USP38: variants seen among roughly 807,000 people sequenced by gnomAD.
The protein encoded by USP38 is ubiquitin carboxyl-terminal hydrolase 38.
USP38 carries 49 observed loss-of-function variants against 94.3 expected under a neutral mutation model. The ratio of observed to expected loss-of-function variants is 0.52; its 90% CI spans 0.41 to 0.66. The LOEUF (loss-of-function observed/expected upper bound fraction) is 0.66, where lower values mean the gene tolerates loss of function less well. USP38 is among the 30% of genes least tolerant of loss of function. USP38 has a pLI of 0.00. For synonymous variants in USP38, 468 were observed against 463.6 expected (o/e 1.01, Z -0.12); for missense variants, 1,128 against 1,229.4 (o/e 0.92, Z 1.23).
chr4:143,203,711 G>A, intron 5 of USP38, 145 bp downstream of exon 5: 1 of 755,796 alleles, frequency 1.3e-6, no homozygotes, highest in African/African-American at 1.8e-5. Flanking sequence ...TTCATTTAGG[G>A]AGTAACAGCT....
rs775620774 is a variant in USP38, at chr4:143,187,806, CTTTTT to C, written c.683-19_683-15del. The C allele has an allele frequency of 6.3e-7, 1 of 1,579,062 alleles. No individual in the cohort carries two copies. The highest frequency in any genetic ancestry group is 1.2e-5 in the South Asian group (1 of 85,228). On this transcript the variant is annotated splice_polypyrimidine_tract_variant and intron_variant, in intron 1 of 9. Transcript: ENST00000307017. ...GAACCTACTTGCCATGTTCCCTTTTCTTTTTAATTGAAAAAACAGATGCATCATTT... is the reference window on the plus strand; with the variant it reads ...GAACCTACTTGCCATGTTCCCTTTTCAATTGAAAAAACAGATGCATCATTT...
At chr4:143,191,061 C>A (rs1731383678) in intron 2 of USP38, among the ~76,000 whole-genome samples, 1 of 151,624 alleles carries the variant, frequency 6.6e-6, no homozygotes, top group Admixed American at 6.6e-5. Context: ...ATCCTATGTA[C>A]CCATAATCTA....
chr4:143,195,298 T>C (rs1047926131), intron 2 of USP38, among the ~76,000 whole-genome samples: 17 of 152,206 alleles, frequency 1.1e-4, no homozygotes, highest in Non-Finnish European at 2.4e-4. Context: ...AAGGAAATGC[T>C]CATTGGGACA....
intron 2 of USP38, 62 bp from the exon 3 acceptor site, chr4:143,195,651 CTTG>C (rs1364143956): frequency 6.7e-7 from 1 of 1,490,950 alleles, no homozygotes. Context: ...TACTGTAACT[CTTG>C]TTATCACTAA....
At chr4:143,188,678 A>G (rs1249087689) in intron 2 of USP38, among the ~76,000 whole-genome samples, 1 of 152,036 alleles carries the variant, frequency 6.6e-6, no homozygotes, top group Admixed American at 6.6e-5. Flanking sequence ...TCAGTCATTC[A>G]TTCATTTATT....
intron 6 of USP38, among the ~76,000 whole-genome samples, chr4:143,206,447 T>G (rs1731870665): frequency 6.6e-6 from 1 of 152,190 alleles, no homozygotes; most frequent in Non-Finnish European, 1.5e-5. Context: ...CCCAGCACTT[T>G]GGGAGGCCAA....
In USP38 at chr4:143,214,859, C is replaced by T. The variant is rs766027457; in HGVS notation, c.2883C>T (p.Thr961=). The part of the protein sequence containing the change: ...STNGLSGNNP[T]SGLWINGDPP... ...ATGGTTTAAGTGGTAATAACCCAAC[C>T]AGTGGACTCTGGATAAATGGAGACC... Residue 961 remains threonine, a synonymous_variant, in exon 9 of 10, where the codon ACC becomes ACT. Coordinates refer to ENST00000307017, the MANE Select transcript of USP38 (RefSeq NM_032557.6). 1.2e-6 allele frequency: 2 copies of T among 1,613,528 alleles called. No individual in the cohort carries two copies. Among genetic ancestry groups the T allele is most frequent in the Non-Finnish European group, 1.7e-6 (2 of 1,179,682 alleles).
chr4:143,187,060 A>G (rs1731247676), intron 1 of USP38, among the ~76,000 whole-genome samples: 1 of 152,078 alleles, frequency 6.6e-6, no homozygotes, highest in African/African-American at 2.4e-5. Context: ...ATTACAAACG[A>G]TGTATTTGCA....
chr4:143,206,260 G>T, intron 6 of USP38, 34 bp downstream of exon 6: 1 of 1,493,966 alleles, frequency 6.7e-7, no homozygotes. Context: ...CATTTTAACT[G>T]TAGAAGTTGA....
At position 143,184,933 on chromosome 4, in the gene USP38, C is replaced by T. The variant is rs1300330914; in HGVS notation, c.-518C>T. On this transcript the variant is annotated 5_prime_UTR_variant, in exon 1 of 10. Coordinates refer to ENST00000307017, the MANE Select transcript of USP38 (RefSeq NM_032557.6). ...TTTGCCGGCACTTCAAAATCCGGGTCAAAGGGTGTCGCTTCGGTCTCTTCT... is the reference window on the plus strand; with the variant it reads ...TTTGCCGGCACTTCAAAATCCGGGTTAAAGGGTGTCGCTTCGGTCTCTTCT... 1 of 149,748 alleles carries T rather than the reference C, an allele frequency of 6.7e-6. No homozygotes were observed. The highest frequency in any genetic ancestry group is 1.5e-5 in the Non-Finnish European group (1 of 68,302). 9.3% of individuals were successfully genotyped at this position (149,748 alleles called of 1,614,324 possible). A position where few individuals can be genotyped will look rare whatever the true frequency, so the allele number is the denominator to read the frequency against.
chr4:143,195,154 T>C (rs1180772649), intron 2 of USP38, among the ~76,000 whole-genome samples: 1 of 152,260 alleles, frequency 6.6e-6, no homozygotes, highest in East Asian at 1.9e-4. Flanking sequence ...CATATTCATA[T>C]GTCTTAGTTC....
chr4:143,203,350 A>T (rs1436966889), intron 4 of USP38, 58 bp from the exon 5 acceptor site: 6 of 1,521,896 alleles, frequency 3.9e-6, no homozygotes, highest in East Asian at 2.3e-5. Context: ...TTTGTAGGCT[A>T]GAGAATGTGT....
chr4:143,185,342 C>T lies in USP38; in HGVS notation c.-109C>T. 1 of 1,262,602 alleles carries T rather than the reference C, an allele frequency of 7.9e-7. No homozygotes were observed. Among genetic ancestry groups the T allele is most frequent in the Non-Finnish European group, 1.1e-6 (1 of 934,724 alleles). The allele number at this position is 1,262,602 out of a possible 1,614,324, so 78.2% of individuals were successfully genotyped here. A position where few individuals can be genotyped will look rare whatever the true frequency, so the allele number is the denominator to read the frequency against. On this transcript the variant is annotated 5_prime_UTR_variant, in exon 1 of 10. Coordinates refer to ENST00000307017, the MANE Select transcript of USP38 (RefSeq NM_032557.6). ...GCGGTGGCCGTGGCCCGTCGCGCTGCTGCTGCGGCGCTCCAAGTTCATCTC... is the reference window on the plus strand; with the variant it reads ...GCGGTGGCCGTGGCCCGTCGCGCTGTTGCTGCGGCGCTCCAAGTTCATCTC...
At position 143,220,505 on chromosome 4, in the gene USP38, A is replaced by G; in HGVS notation, c.*49A>G. 6.8e-7 allele frequency: 1 copy of G among 1,477,766 alleles called. No individual in the cohort carries two copies. 91.5% of individuals were successfully genotyped at this position (1,477,766 alleles called of 1,614,324 possible). A position where few individuals can be genotyped will look rare whatever the true frequency, so the allele number is the denominator to read the frequency against. On this transcript the variant is annotated 3_prime_UTR_variant, in exon 10 of 10. Transcript: ENST00000307017. The stretch of plus-strand genomic sequence containing the variant: ...TGGTCACGAAACGTCTAATACTATG[A>G]CTGTTAAAATGTCAGACTATAACAA...
At position 143,195,843 on chromosome 4, in the gene USP38, C is replaced by A. The variant is rs757145388; in HGVS notation, c.946C>A (p.Leu316Met). 5 of 1,609,844 alleles carry A rather than the reference C, an allele frequency of 3.1e-6. No homozygotes were observed. The change falls in exon 3 of 10, where the codon CTG (leucine) becomes ATG (methionine). Residue 316 changes from leucine (L) to methionine (M), a missense_variant and splice_region_variant. Physicochemically the swap from Leu to Met is conservative, Grantham distance 15. Coordinates refer to ENST00000307017, the MANE Select transcript of USP38 (RefSeq NM_032557.6). ...LIDVTLLKIELVFNRLWFPLV... is the reference protein window; with the variant it reads ...LIDVTLLKIEMVFNRLWFPLV... ...AGATGTTACTTTGCTGAAAATAGAA[C>A]TGGTAAGTGGGAGTATGGAAATCTA...
At chr4:143,215,127 T>C (rs1438603944) in intron 9 of USP38, 184 bp downstream of exon 9, 29 of 629,912 alleles carry the variant, frequency 4.6e-5, no homozygotes, top group Non-Finnish European at 1.3e-5. Context: ...ACAATTTAAA[T>C]GAAAAGTGGC....
Position 143,185,216 on chromosome 4 carries a change from T to TAA in USP38, c.-234_-233insAA. 2.0e-6 allele frequency: 1 copy of TAA among 491,932 alleles called. No individual in the cohort carries two copies. The allele number at this position is 491,932 out of a possible 1,614,324, so 30.5% of individuals were successfully genotyped here. On this transcript the variant is annotated 5_prime_UTR_variant, in exon 1 of 10. An upstream open reading frame in the 5' UTR loses its in-frame stop. Coordinates refer to ENST00000307017, the MANE Select transcript of USP38 (RefSeq NM_032557.6). ...GGCGGAGTACGGGCCTCTGGCGCCT[T>TAA]AGGCCAGCCGCAGGTGTCGGTTCTT...
chr4:143,207,067 T>C (rs779136376), intron 6 of USP38, among the ~76,000 whole-genome samples: 5 of 152,262 alleles, frequency 3.3e-5, no homozygotes, highest in Non-Finnish European at 7.3e-5. Flanking sequence ...GTTAGTTATG[T>C]GAATGCTATC....
At position 143,206,366 on chromosome 4, in the gene USP38, A is replaced by G. The variant is rs1026615244; in HGVS notation, c.1403+140A>G. ...CTTTGATTGCCTTATTCAGAAATGA[A>G]ACTGCTTTTAGTGCTCAGAAACTAT... On this transcript the variant is annotated intron_variant, in intron 6 of 9. Transcript: ENST00000307017. 5.4e-6 allele frequency: 4 copies of G among 743,360 alleles called. No individual in the cohort carries two copies. In the Admixed American group the frequency reaches 1.5e-4, roughly 28 times the overall value. 46.0% of individuals were successfully genotyped at this position (743,360 alleles called of 1,614,324 possible). A position where few individuals can be genotyped will look rare whatever the true frequency, so the allele number is the denominator to read the frequency against.
Sources: gnomAD v4.1 joint callset for allele counts (sites outside exome capture counted in the v4.1 genomes callset) on GRCh38, gnomAD v4.1.1 for gene constraint, MANE v1.5 for transcripts, NCBI Gene and HGNC (gene_info 2026-07-23, HGNC 2026-07-21) for gene names.